Variants in GAK observed in about 807,000 individuals in gnomAD.
GAK encodes cyclin-G-associated kinase.
A neutral mutation model predicts 143.9 loss-of-function variants in GAK; 79 were observed. The ratio of observed to expected loss-of-function variants is 0.55; its 90% CI spans 0.46 to 0.66. The LOEUF (loss-of-function observed/expected upper bound fraction) is 0.66, where lower values mean the gene tolerates loss of function less well. GAK is among the 30% of genes least tolerant of loss of function. The pLI is 0.00. For synonymous variants in GAK, 881 were observed against 765.5 expected (o/e 1.15, Z -2.49); for missense variants, 1,693 against 1,779.7 (o/e 0.95, Z 0.88).
Position 890,620 on chromosome 4 carries a change from G to T in GAK, c.993C>A (p.Leu331=). 6.2e-7 allele frequency: 1 copy of T among 1,609,786 alleles called. No individual in the cohort carries two copies. Among genetic ancestry groups the T allele is most frequent in the Non-Finnish European group, 8.5e-7 (1 of 1,178,882 alleles). The stretch of plus-strand genomic sequence containing the variant: ...TCCCGTAGCCTCCATTCTGCTCCAG[G>T]AGCTGTGACAATGAAAATGCAGAGG... The part of the protein sequence containing the change: ...NVNPKSPITE[L]LEQNGGYGSA... The change falls in exon 10 of 28, where the codon CTC becomes CTA. Residue 331 remains leucine (L), a splice_region_variant and synonymous_variant. Coordinates refer to ENST00000314167, the MANE Select transcript of GAK (RefSeq NM_005255.4).
At chr4:859,389 T>C (rs1577054387) in intron 24 of GAK, 1 of 1,499,766 alleles carries the variant, frequency 6.7e-7, no homozygotes, top group Non-Finnish European at 8.9e-7. Flanking sequence ...CTGGCAGCAG[T>C]GCCAGTGTCA....
chr4:857,926 G>C (rs1749580750), intron 24 of GAK, among the ~76,000 whole-genome samples: 1 of 152,174 alleles, frequency 6.6e-6, no homozygotes. Context: ...TGGGGCCCTG[G>C]GCTTTCCTAG....
At chr4:912,854 G>A (rs1456258997) in intron 2 of GAK, 60 bp from the exon 3 acceptor site, 18 of 1,461,764 alleles carry the variant, frequency 1.2e-5, no homozygotes, top group South Asian at 3.5e-5. Context: ...TACTCCACCC[G>A]ATGCATCATC....
intron 22 of GAK, 119 bp downstream of exon 22, chr4:866,245 G>T: frequency 9.6e-7 from 1 of 1,037,742 alleles, no homozygotes; most frequent in Non-Finnish European, 1.4e-6. Flanking sequence ...GAGCGCACCC[G>T]GAGGCCACAC....
rs758063057 is a variant in GAK, at chr4:883,415, ATGT to A, written c.1301_1303del (p.Asn434del). On this transcript the variant is annotated inframe_deletion, in exon 13 of 28. Coordinates refer to ENST00000314167, the MANE Select transcript of GAK (RefSeq NM_005255.4). ...GTCCAGGAACAACCGCACATCTTCGATGTTGTTTTTGAGCGCTGACTCCACACC... is the reference window on the plus strand; with the variant it reads ...GTCCAGGAACAACCGCACATCTTCGATGTTTTTGAGCGCTGACTCCACACC... 5.0e-6 allele frequency: 8 copies of A among 1,613,670 alleles called. No homozygotes were observed. Among genetic ancestry groups the A allele is most frequent in the Non-Finnish European group, 5.9e-6 (7 of 1,180,008 alleles).
intron 15 of GAK, among the ~76,000 whole-genome samples, chr4:879,260 T>C (rs1458782886): frequency 1.2e-4 from 18 of 152,230 alleles, no homozygotes; most frequent in African/African-American, 9.6e-5. Flanking sequence ...CTTCCTGCAG[T>C]GTATGGCCGA....
rs1261942484 is a variant in GAK at position 882,181 on chromosome 4, C to A, written c.1528-141G>T. 1.2e-5 allele frequency: 11 copies of A among 945,204 alleles called. No individual in the cohort carries two copies. In the African/African-American group the frequency reaches 1.5e-4, roughly 13 times the overall value. The allele number at this position is 945,204 out of a possible 1,614,324, so 58.6% of individuals were successfully genotyped here. The stretch of plus-strand genomic sequence containing the variant: ...CTGAAGCTGGGATATGTTTAGGGAG[C>A]TACATAACGTGCCTGCCGAGGCAAG... On this transcript the variant is annotated intron_variant, in intron 14 of 27. Coordinates refer to ENST00000314167, the MANE Select transcript of GAK (RefSeq NM_005255.4).
intron 9 of GAK, 130 bp from the exon 10 acceptor site, chr4:890,752 G>C: frequency 1.5e-6 from 1 of 672,938 alleles, no homozygotes; most frequent in Non-Finnish European, 2.5e-6. Flanking sequence ...CACAGTGCAA[G>C]GGAGGAACTT....
intron 1 of GAK, among the ~76,000 whole-genome samples, chr4:925,791 C>A (rs1724618658): frequency 6.6e-6 from 1 of 152,210 alleles, no homozygotes; most frequent in Non-Finnish European, 1.5e-5. Context: ...TGCGCCTGGA[C>A]TTCCAGCCTG....
chr4:921,560 A>G (rs1723930868), intron 1 of GAK, among the ~76,000 whole-genome samples: 1 of 152,220 alleles, frequency 6.6e-6, no homozygotes, highest in Non-Finnish European at 1.5e-5. Context: ...AGAAAAACAC[A>G]GGAGACAAAT....
chr4:882,035 C>T lies in GAK; in HGVS notation c.1533G>A (p.Gly511=), dbSNP rs1289288182. The T allele has an allele frequency of 2.5e-6, 4 of 1,604,118 alleles. No individual in the cohort carries two copies. The highest frequency in any genetic ancestry group is 3.4e-6 in the Non-Finnish European group (4 of 1,175,852). ...AGACGGCCACAGCAGACGCGGCTCT[C>T]CCGTCCTAGGACAGACAGACACGTC... ...KNVCVVHCMD[G]RAASAVAVCS... Residue 511 remains glycine, a synonymous_variant, in exon 15 of 28, where the codon GGG becomes GGA. Transcript: ENST00000314167.
intron 7 of GAK, chr4:894,518 T>C: frequency 6.4e-6 from 1 of 155,752 alleles, no homozygotes; most frequent in South Asian, 1.9e-4. Context: ...GGTGGCTCCT[T>C]CCTTGGGGAT....
chr4:852,090 C>A, intron 24 of GAK, 116 bp from the exon 25 acceptor site: 1 of 909,676 alleles, frequency 1.1e-6, no homozygotes, highest in South Asian at 1.4e-5. Context: ...AATAGAACAC[C>A]GATCACTCGA....
At chr4:886,544 T>C (rs1716364481) in intron 11 of GAK, 1 of 152,360 alleles carries the variant, frequency 6.6e-6, no homozygotes, top group Admixed American at 6.5e-5. Context: ...GCTGCGGCCA[T>C]GGAGACCATT....
At position 876,618 on chromosome 4, in the gene GAK, A is replaced by G; in HGVS notation, c.1975-9T>C. The G allele has an allele frequency of 6.2e-7, 1 of 1,613,622 alleles. No homozygotes were observed. Among genetic ancestry groups the G allele is most frequent in the Non-Finnish European group, 8.5e-7 (1 of 1,179,564 alleles). ...ATCTTCATGGATGCCATCTGCAAAG[A>G]GAGCAAACACGACACCCCACGTGGA... On this transcript the variant is annotated splice_polypyrimidine_tract_variant and intron_variant, in intron 17 of 27. Transcript: ENST00000314167.
intron 5 of GAK, among the ~76,000 whole-genome samples, chr4:903,682 C>T (rs1355414979): frequency 2.0e-5 from 3 of 146,454 alleles, no homozygotes; most frequent in Non-Finnish European, 4.5e-5. Context: ...GAGTGCGGGG[C>T]CTATAGTGAC....
chr4:849,646 G>A lies in GAK; in HGVS notation c.*27C>T, dbSNP rs761432822. On this transcript the variant is annotated 3_prime_UTR_variant, in exon 28 of 28. Coordinates refer to ENST00000314167, the MANE Select transcript of GAK (RefSeq NM_005255.4). The stretch of plus-strand genomic sequence containing the variant: ...ACGACGGCTCCCAACCTGTGGAGCT[G>A]TGTGCGCAGCCACCACCACTGCGGC... 11 of 1,566,144 alleles carry A rather than the reference G, an allele frequency of 7.0e-6. No homozygotes were observed. In the East Asian group the frequency reaches 1.6e-4, roughly 23 times the overall value.
At position 911,386 on chromosome 4, in the gene GAK, G is replaced by A. The variant is rs554395579; in HGVS notation, c.382+287C>T. Among the ~76,000 whole-genome samples, 16 of 152,312 alleles carry A rather than the reference G, an allele frequency of 1.1e-4. No homozygotes were observed. In the South Asian group the frequency reaches 2.9e-3, roughly 28 times the overall value. On this transcript the variant is annotated intron_variant, in intron 4 of 27. Coordinates refer to ENST00000314167, the MANE Select transcript of GAK (RefSeq NM_005255.4). ...ACGGAAGGCCACCACGCTCTACCCC[G>A]TGCTGCCACTGGAGACAGGCAGGAT...
intron 22 of GAK, among the ~76,000 whole-genome samples, chr4:865,977 C>T (rs1751099412): frequency 2.0e-5 from 3 of 152,244 alleles, no homozygotes; most frequent in Admixed American, 1.3e-4. Flanking sequence ...GTCAGCTTCC[C>T]GGACCCTGGG....
Sources: gnomAD v4.1 joint callset for allele counts (sites outside exome capture counted in the v4.1 genomes callset) on GRCh38, gnomAD v4.1.1 for gene constraint, MANE v1.5 for transcripts, NCBI Gene and HGNC (gene_info 2026-07-23, HGNC 2026-07-21) for gene names.